Variants in ANKMY1 observed in about 807,000 individuals in gnomAD.
ANKMY1 encodes the protein ankyrin repeat and MYND domain containing 1.
A neutral mutation model predicts 102.0 loss-of-function variants in ANKMY1; 98 were observed. That is an observed-to-expected ratio of 0.96 (90% CI 0.82 to 1.14). The LOEUF is 1.14. Ranked by LOEUF, ANKMY1 falls within the 50% of genes most tolerant of loss-of-function variation. The pLI, the probability that ANKMY1 is intolerant of heterozygous loss-of-function variation, is 0.00. For missense variants in ANKMY1, 1,330 were observed against 1,347.6 expected, an observed-to-expected ratio of 0.99 and a Z score of 0.20; for synonymous variants, 582 against 559.9, an observed-to-expected ratio of 1.04 and a Z score of -0.56.
At chr2:240,532,762 T>A (rs2085747645) in intron 4 of ANKMY1, among the ~76,000 whole-genome samples, 1 of 152,220 alleles carries the variant, frequency 6.6e-6, no homozygotes, top group Admixed American at 6.5e-5. Flanking sequence ...ACCCAAAGTT[T>A]CCTCCAATCC....
At chr2:240,504,729 G>A (rs1344120284) in intron 13 of ANKMY1, among the ~76,000 whole-genome samples, 2 of 152,210 alleles carry the variant, frequency 1.3e-5, no homozygotes, top group South Asian at 2.1e-4. Flanking sequence ...TGAGAAGGCC[G>A]GGTGTGGTGG....
intron 5 of ANKMY1, among the ~76,000 whole-genome samples, chr2:240,528,503 A>G (rs1444164744): frequency 2.6e-5 from 4 of 152,002 alleles, no homozygotes; most frequent in Non-Finnish European, 4.4e-5. Context: ...TTACCACCAT[A>G]TAACAGTAAC....
intron 13 of ANKMY1, among the ~76,000 whole-genome samples, chr2:240,501,237 A>C (rs926254691): frequency 6.6e-6 from 1 of 152,018 alleles, no homozygotes; most frequent in African/African-American, 2.4e-5. Flanking sequence ...AGTGGGGGCC[A>C]GTGTGTGTGC....
chr2:240,535,725 G>C (rs1269498888), intron 4 of ANKMY1, among the ~76,000 whole-genome samples: 1 of 152,134 alleles, frequency 6.6e-6, no homozygotes, highest in Admixed American at 6.5e-5. Context: ...TGACTCCCTA[G>C]ACCCCTTAGG....
chr2:240,544,183 G>A (rs1033351641), intron 4 of ANKMY1, among the ~76,000 whole-genome samples: 3 of 152,056 alleles, frequency 2.0e-5, no homozygotes, highest in South Asian at 2.1e-4. Flanking sequence ...GTTAAGGAAG[G>A]TTATAAAGAA....
chr2:240,485,584 CTT>C (rs201255082), intron 15 of ANKMY1, among the ~76,000 whole-genome samples: 5 of 146,798 alleles, frequency 3.4e-5, no homozygotes, highest in Admixed American at 6.8e-5. Context: ...CATGAATCTT[CTT>C]TTTTTTTTTT....
At chr2:240,546,619 C>T (rs1186931549) in intron 4 of ANKMY1, among the ~76,000 whole-genome samples, 1 of 152,130 alleles carries the variant, frequency 6.6e-6, no homozygotes, top group African/African-American at 2.4e-5. Context: ...GAAACCCATC[C>T]CACGTGCAGA....
intron 15 of ANKMY1, among the ~76,000 whole-genome samples, chr2:240,497,871 C>A (rs1282374591): frequency 2.0e-5 from 3 of 152,300 alleles, no homozygotes; most frequent in South Asian, 4.1e-4. Context: ...GTAAGTGACA[C>A]CTCCGTTTTA....
At chr2:240,519,710 C>A in intron 9 of ANKMY1, 1 of 177,026 alleles carries the variant, frequency 5.6e-6, no homozygotes, top group Non-Finnish European at 1.2e-5. Flanking sequence ...GAGCTAAGCC[C>A]ATAAAGCCCT....
rs145265418 is a variant in ANKMY1 at position 240,501,151 on chromosome 2, G to A, written c.2527-586C>T. On this transcript the variant is annotated intron_variant, in intron 13 of 17. Transcript: ENST00000401804. Reference sequence around the variant, plus strand: ...GCAGGTGTGGGGCTAGTGGGTGAGCGTGTGTGGATATGTGCATGCATGTTC... The same window carrying A: ...GCAGGTGTGGGGCTAGTGGGTGAGCATGTGTGGATATGTGCATGCATGTTC... Among the ~76,000 whole-genome samples, 655 of 151,896 alleles carry A rather than the reference G, an allele frequency of 4.3e-3. 5 individuals carry two copies. The highest frequency in any genetic ancestry group is 0.015 in the African/African-American group (623 of 41,378).
intron 6 of ANKMY1, 156 bp downstream of exon 6, chr2:240,526,073 G>T: frequency 9.8e-7 from 1 of 1,018,778 alleles, no homozygotes; most frequent in East Asian, 2.5e-5. Context: ...TCAGCTGAGT[G>T]GGTTTCTGCT....
intron 8 of ANKMY1, among the ~76,000 whole-genome samples, chr2:240,521,463 T>C (rs13009981): frequency 0.15 from 22,132 of 148,720 alleles, 2,717 homozygotes; most frequent in East Asian, 0.69. Context: ...ACTTCAAGAA[T>C]GAAGTCGCGG....
At chr2:240,523,445 G>A (rs2082702242) in intron 8 of ANKMY1, 3 of 184,372 alleles carry the variant, frequency 1.6e-5, no homozygotes, top group African/African-American at 7.0e-5. Context: ...TGGACCCCCG[G>A]GGGTGCATAG....
chr2:240,557,539 G>A (rs2092509342), intron 1 of ANKMY1, 187 bp from the exon 2 acceptor site: 4 of 561,220 alleles, frequency 7.1e-6, no homozygotes, highest in Non-Finnish European at 2.8e-6. Flanking sequence ...AGGGAGACCT[G>A]TCGGAACCAT....
rs140214211 is a variant in ANKMY1, at chr2:240,541,587, C to G, written c.480+11327G>C. 8.9e-3 allele frequency among the ~76,000 whole-genome samples: 1,335 copies of G among 150,050 alleles called. 9 individuals are homozygous for G. Among genetic ancestry groups the G allele is most frequent in the African/African-American group, 0.031 (1,269 of 40,682 alleles). On this transcript the variant is annotated intron_variant, in intron 4 of 17. Coordinates refer to ENST00000401804, the MANE Select transcript of ANKMY1 (RefSeq NM_001282771.3). ...GCGCCATCTCAACTCACTGCAAGCT[C>G]CGCCTCCCAGGTTCATGCCATTCTC...
At chr2:240,479,300 A>G (rs73104081), downstream of ANKMY1, 1,931 of 416,760 alleles carry the variant, frequency 4.6e-3, 29 homozygotes, top group African/African-American at 0.026. Flanking sequence ...TGCCTCGTCC[A>G]TCAGGATGGC....
In ANKMY1 at chr2:240,524,127, G is replaced by C. The variant is rs149945594; in HGVS notation, c.1590C>G (p.Ser530Arg). The change falls in exon 8 of 18, where the codon AGC (serine) becomes AGG (arginine). Residue 530 changes from serine (S) to arginine (R), a missense_variant. Ser to Arg is a moderately radical substitution (Grantham distance 110, BLOSUM62 -1). Coordinates refer to ENST00000401804, the MANE Select transcript of ANKMY1 (RefSeq NM_001282771.3). ...CAAGCCCGCTTTCCACATGGCCAAGGCTGCCCTTCACCAACGGGGAGTCCC... is the reference window on the plus strand; with the variant it reads ...CAAGCCCGCTTTCCACATGGCCAAGCCTGCCCTTCACCAACGGGGAGTCCC... ...LKGDSPLVKG[S>R]LGHVESGLED... The C allele has an allele frequency of 4.1e-4, 662 of 1,613,888 alleles. No homozygotes were observed. Among genetic ancestry groups the C allele is most frequent in the Non-Finnish European group, 5.3e-4 (623 of 1,180,038 alleles).
At chr2:240,493,922 T>C (rs906793096) in intron 15 of ANKMY1, among the ~76,000 whole-genome samples, 1 of 152,172 alleles carries the variant, frequency 6.6e-6, no homozygotes, top group East Asian at 1.9e-4. Context: ...GCATGGGCAA[T>C]GGCAATACCA....
At position 240,482,169 on chromosome 2, in the gene ANKMY1, G is replaced by A. The variant is rs1459632745; in HGVS notation, c.2885+14C>T. On this transcript the variant is annotated intron_variant, in intron 16 of 17. Transcript: ENST00000401804. ...TGCCATCCTGGAAAGAACCCAGCCT[G>A]CAGACACACTTACTGCCCCTGCTCC... is the stretch of plus-strand genomic sequence containing the variant. 1 of 1,611,450 alleles carries A rather than the reference G, an allele frequency of 6.2e-7. No homozygotes were observed. The highest frequency in any genetic ancestry group is 1.7e-5 in the Admixed American group (1 of 59,736).
Sources: gnomAD v4.1 joint callset for allele counts (sites outside exome capture counted in the v4.1 genomes callset) on GRCh38, gnomAD v4.1.1 for gene constraint, MANE v1.5 for transcripts, NCBI Gene and HGNC (gene_info 2026-07-23, HGNC 2026-07-21) for gene names.